The following PLA2G4E variants were observed in gnomAD, a reference collection of about 807,000 sequenced individuals.
The protein encoded by PLA2G4E is phospholipase A2 group IVE, also known as cytosolic phospholipase A2 epsilon.
PLA2G4E carries 84 observed loss-of-function variants against 109.1 expected under a neutral mutation model. The ratio of observed to expected loss-of-function variants is 0.77; its 90% confidence interval spans 0.65 to 0.92. PLA2G4E has a LOEUF of 0.92. Ranked by LOEUF, PLA2G4E falls within the 40% of genes least tolerant of loss-of-function variation. PLA2G4E has a pLI of 0.00. For missense variants in PLA2G4E, 1,057 were observed against 1,076.6 expected (o/e 0.98, Z 0.25); for synonymous variants, 469 against 436.1 (o/e 1.08, Z -0.94).
exon 8 of PLA2G4E, chr15:42,000,243 T>C: frequency 6.3e-7 from 1 of 1,580,480 alleles, no homozygotes; most frequent in Admixed American, 1.8e-5. Flanking sequence ...ACGCTGGGTG[T>C]TCTCAAAGGA....
chr15:41,993,568 G>A (rs1251529381), intron 12 of PLA2G4E, among the ~76,000 whole-genome samples: 3 of 151,968 alleles, frequency 2.0e-5, no homozygotes, highest in African/African-American at 4.8e-5. Flanking sequence ...GTTGGTTGTC[G>A]GGGGGAGCAA....
intron 1 of PLA2G4E, among the ~76,000 whole-genome samples, 196 bp from the exon 2 acceptor site, chr15:42,013,953 G>A (rs189707104): frequency 7.0e-6 from 1 of 142,906 alleles, no homozygotes; most frequent in East Asian, 2.1e-4. Context: ...GTGCCATGGC[G>A]CGATCTCGGC....
At chr15:41,991,884 G>A (rs1468652923) in intron 13 of PLA2G4E, among the ~76,000 whole-genome samples, 2 of 152,140 alleles carry the variant, frequency 1.3e-5, no homozygotes, top group African/African-American at 2.4e-5. Context: ...TGTTAATCTC[G>A]GCTTGTGCAA....
At chr15:42,040,990 G>A (rs1022351717) in intron 1 of PLA2G4E, among the ~76,000 whole-genome samples, 13 of 152,162 alleles carry the variant, frequency 8.5e-5, no homozygotes, top group African/African-American at 1.4e-4. Flanking sequence ...GAGATGCCAC[G>A]TTTCATTTAT....
chr15:42,011,412 G>GGACA (rs2141054590), intron 2 of PLA2G4E, among the ~76,000 whole-genome samples: 1 of 152,374 alleles, frequency 6.6e-6, no homozygotes, highest in Admixed American at 6.5e-5. Context: ...GGAGAGGCTG[G>GGACA]GACAGACACA....
At chr15:42,040,828 TTGGTA>T (rs568068267) in intron 1 of PLA2G4E, among the ~76,000 whole-genome samples, 69 of 152,338 alleles carry the variant, frequency 4.5e-4, no homozygotes, top group Non-Finnish European at 9.4e-4. Context: ...TCTGATGTAA[TTGGTA>T]TGGTGTATAA....
chr15:42,041,619 G>T (rs934447473), intron 1 of PLA2G4E, among the ~76,000 whole-genome samples: 6 of 152,234 alleles, frequency 3.9e-5, no homozygotes, highest in African/African-American at 1.4e-4. Context: ...GACACTGGGA[G>T]TTCCAGAGAG....
intron 1 of PLA2G4E, among the ~76,000 whole-genome samples, chr15:42,038,177 A>AT (rs1402706914): frequency 6.6e-6 from 1 of 152,214 alleles, no homozygotes; most frequent in Non-Finnish European, 1.5e-5. Flanking sequence ...AATGTGTAAT[A>AT]TTCTGATGTG....
intron 6 of PLA2G4E, among the ~76,000 whole-genome samples, chr15:42,002,177 C>T (rs1175579695): frequency 1.4e-5 from 2 of 140,558 alleles, no homozygotes; most frequent in East Asian, 2.3e-4. Flanking sequence ...GGGGTGGTGG[C>T]GTGCTTGAGC....
intron 1 of PLA2G4E, among the ~76,000 whole-genome samples, chr15:42,039,731 A>G (rs1889280871): frequency 6.6e-6 from 1 of 152,156 alleles, no homozygotes; most frequent in African/African-American, 2.4e-5. Flanking sequence ...AAACCTAAGG[A>G]GAAATAAATA....
intron 1 of PLA2G4E, among the ~76,000 whole-genome samples, chr15:42,033,501 T>C (rs567658252): frequency 2.1e-3 from 309 of 144,810 alleles, no homozygotes; most frequent in Non-Finnish European, 3.9e-3. Context: ...CTCTGTCTGG[T>C]TGGTGACTAG....
chr15:41,981,897 T>A (rs1480281673), exon 20 of PLA2G4E: 2 of 152,164 alleles, frequency 1.3e-5, no homozygotes, highest in Non-Finnish European at 2.9e-5. Context: ...CACTGATTCA[T>A]ACGTTCCAAG....
intron 1 of PLA2G4E, among the ~76,000 whole-genome samples, chr15:42,043,568 A>C (rs77905419): frequency 3.7e-5 from 3 of 81,428 alleles, no homozygotes; most frequent in East Asian, 3.1e-4. Context: ...AGGATACAAA[A>C]AAAAAAAAAA....
intron 1 of PLA2G4E, among the ~76,000 whole-genome samples, chr15:42,018,858 A>G (rs2068621475): frequency 6.6e-6 from 1 of 152,150 alleles, no homozygotes; most frequent in Non-Finnish European, 1.5e-5. Flanking sequence ...GCTATGATGC[A>G]ATCCAATGCT....
intron 18 of PLA2G4E, 128 bp downstream of exon 18, chr15:41,985,711 C>G: frequency 8.3e-7 from 1 of 1,211,348 alleles, no homozygotes; most frequent in Non-Finnish European, 1.2e-6. Context: ...GCTTGGCTTC[C>G]TCTGATGCTC....
At chr15:42,007,745 A>G in exon 3 of PLA2G4E, 1 of 1,612,616 alleles carries the variant, frequency 6.2e-7, no homozygotes. Flanking sequence ...TCGGCTCTGG[A>G]TCTGGAAGTT....
chr15:42,005,946 G>A (rs1360391369), intron 4 of PLA2G4E, 44 bp downstream of exon 4: 8 of 1,601,096 alleles, frequency 5.0e-6, no homozygotes, highest in South Asian at 4.4e-5. Context: ...CAGCTATGAG[G>A]TTATCATGAA....
chr15:42,036,243 G>A (rs1889212675), intron 1 of PLA2G4E, among the ~76,000 whole-genome samples: 1 of 152,218 alleles, frequency 6.6e-6, no homozygotes, highest in African/African-American at 2.4e-5. Flanking sequence ...CCTGGGGGCC[G>A]CGGCGATGGG....
chr15:42,043,619 T>C (rs1889358546), intron 1 of PLA2G4E, among the ~76,000 whole-genome samples: 2 of 148,360 alleles, frequency 1.3e-5, no homozygotes, highest in Admixed American at 6.7e-5. Flanking sequence ...GACAAAAAGC[T>C]TACAACAACA....
Sources: gnomAD v4.1 joint callset for allele counts (sites outside exome capture counted in the v4.1 genomes callset) on GRCh38, gnomAD v4.1.1 for gene constraint, MANE v1.5 for transcripts, NCBI Gene and HGNC (gene_info 2026-07-23, HGNC 2026-07-21) for gene names.